Variants in LAMC3 observed in about 807,000 individuals in gnomAD.
LAMC3 encodes the protein laminin subunit gamma 3, also known as laminin subunit gamma-3.
Under a neutral mutation model 173.8 loss-of-function variants are expected in LAMC3, and 128 were observed. The observed-to-expected ratio is 0.74, with a 90% CI of 0.64 to 0.85. The LOEUF (loss-of-function observed/expected upper bound fraction) is 0.85, where lower values mean the gene tolerates loss of function less well. Ranked by LOEUF, LAMC3 falls within the 40% of genes least tolerant of loss-of-function variation. The probability of loss-of-function intolerance (pLI) is 0.00; values close to 1 mark genes in which losing one functional copy is unlikely to be tolerated. For synonymous variants in LAMC3, 897 were observed against 909.1 expected (o/e 0.99, Z 0.24); for missense variants, 2,022 against 2,156.0 (o/e 0.94, Z 1.23).
chr9:131,034,380 G>A (rs1040150921), intron 3 of LAMC3, among the ~76,000 whole-genome samples: 5 of 152,214 alleles, frequency 3.3e-5, no homozygotes, highest in African/African-American at 9.6e-5. Flanking sequence ...TGGGCCTTGC[G>A]TGGAAGCCGT....
chr9:131,026,702 G>A lies in LAMC3; in HGVS notation c.678+113G>A. The A allele has an allele frequency of 7.0e-7, 1 of 1,421,430 alleles. No individual in the cohort carries two copies. The highest frequency in any genetic ancestry group is 9.2e-7 in the Non-Finnish European group (1 of 1,088,468). The allele number at this position is 1,421,430 out of a possible 1,614,324, so 88.1% of individuals were successfully genotyped here. On this transcript the variant is annotated intron_variant, in intron 2 of 27. Transcript: ENST00000361069. The surrounding 1 kb of genome is among the most constrained non-coding windows in gnomAD (Gnocchi z 4.8). The stretch of plus-strand genomic sequence containing the variant: ...GGTGGGGGACCTGCAAAACCCCATG[G>A]TTTTCTTTTTCTTCTTTTATTTTTG...
intron 24 of LAMC3, among the ~76,000 whole-genome samples, chr9:131,083,850 C>T (rs1830282682): frequency 7.0e-6 from 1 of 143,026 alleles, no homozygotes; most frequent in Non-Finnish European, 1.5e-5. Flanking sequence ...TTTACTTTGT[C>T]CACTGTAATA....
chr9:131,032,094 C>A lies in LAMC3; in HGVS notation c.728C>A (p.Thr243Lys). The A allele has an allele frequency of 6.2e-7, 1 of 1,614,122 alleles. No individual in the cohort carries two copies. The highest frequency in any genetic ancestry group is 8.5e-7 in the Non-Finnish European group (1 of 1,180,014). ...ELLISLDRLN[T>K]FGDDIFKDPK... ...CTCATCTCTCTAGACCGGCTCAACA[C>A]GTTTGGGGACGACATCTTCAAGGAC... The change falls in exon 3 of 28, where the codon ACG becomes AAG. Residue 243 changes from threonine (T) to lysine (K), a missense_variant. By Grantham distance (78) the Thr-to-Lys change is moderately conservative. Coordinates refer to ENST00000361069, the MANE Select transcript of LAMC3 (RefSeq NM_006059.4).
intron 3 of LAMC3, among the ~76,000 whole-genome samples, chr9:131,032,661 TCAC>T (rs1182412250): frequency 6.6e-6 from 1 of 151,626 alleles, no homozygotes; most frequent in East Asian, 1.9e-4. Flanking sequence ...TCACTCTCTC[TCAC>T]TCTCTCTCGC....
At chr9:131,028,941 G>A (rs569402766) in intron 2 of LAMC3, among the ~76,000 whole-genome samples, 7 of 152,340 alleles carry the variant, frequency 4.6e-5, no homozygotes, top group Non-Finnish European at 7.3e-5. Context: ...GGGCTTAAAT[G>A]TGTGAGCCAC....
chr9:131,087,342 G>A, intron 25 of LAMC3, 134 bp from the exon 26 acceptor site: 1 of 1,148,206 alleles, frequency 8.7e-7, no homozygotes, highest in Non-Finnish European at 1.3e-6. Context: ...GTACATATTT[G>A]TTGCGTGCAT....
chr9:131,051,135 T>C (rs1311566063), intron 9 of LAMC3, among the ~76,000 whole-genome samples: 1 of 152,140 alleles, frequency 6.6e-6, no homozygotes. Flanking sequence ...CGGGGCGCGC[T>C]ACAGAATTTG....
rs761972927 is a variant in LAMC3, at chr9:131,052,532, C to T, written c.1672C>T (p.Leu558Phe). The part of the protein sequence containing the change: ...GDQRFSYGQP[L>F]ILTFRVPPGD... ...CCAGCGGTTCAGCTATGGGCAGCCC[C>T]TCATACTGACCTTCCGGGTGCCCCC... is the stretch of plus-strand genomic sequence containing the variant. The change falls in exon 10 of 28, where the codon CTC becomes TTC. Residue 558 changes from leucine (L) to phenylalanine (F), a missense_variant. Leu to Phe is a conservative substitution (Grantham distance 22). Coordinates refer to ENST00000361069, the MANE Select transcript of LAMC3 (RefSeq NM_006059.4). The T allele has an allele frequency of 9.3e-6, 15 of 1,614,198 alleles. No homozygotes were observed. The South Asian group carries it at 1.5e-4, about 17-fold the overall frequency.
intron 23 of LAMC3, 80 bp downstream of exon 23, chr9:131,079,378 G>T: frequency 1.3e-6 from 2 of 1,548,384 alleles, no homozygotes; most frequent in Non-Finnish European, 1.8e-6. Flanking sequence ...AGGGTTGCAG[G>T]AGGGAGAAGG....
At chr9:131,066,820 G>T in intron 13 of LAMC3, 140 bp from the exon 14 acceptor site, 1 of 1,128,938 alleles carries the variant, frequency 8.9e-7, no homozygotes. Flanking sequence ...GCAGCCACTG[G>T]GGGCCGGTCC....
Position 131,058,895 on chromosome 9 carries a change from A to G in LAMC3, c.2158+1748A>G, listed in dbSNP as rs1345216228. 1.0e-4 allele frequency among the ~76,000 whole-genome samples: 12 copies of G among 118,028 alleles called. No homozygotes were observed. In the East Asian group the frequency reaches 2.0e-3, roughly 20 times the overall value. The allele number at this position is 118,028 out of a possible 152,430, so 77.4% of individuals were successfully genotyped here. ...GGTGACAAGAGCAAGACTCCAGAGGAAAAAAGAAAAAAAAAAAGAAGAGGC... is the reference window on the plus strand; with the variant it reads ...GGTGACAAGAGCAAGACTCCAGAGGGAAAAAGAAAAAAAAAAAGAAGAGGC... On this transcript the variant is annotated intron_variant, in intron 12 of 27. Transcript: ENST00000361069.
intron 13 of LAMC3, among the ~76,000 whole-genome samples, chr9:131,061,825 A>C (rs985362577): frequency 5.9e-5 from 9 of 151,834 alleles, no homozygotes; most frequent in Non-Finnish European, 1.0e-4. Context: ...CAAGGTGGGC[A>C]CATCACTTCC....
rs1288795312 is a variant in LAMC3, at chr9:131,024,649, C to T, written c.374-1636C>T. ...GCTCTGGGAAGTGAGAGGCTACTGCCAACGGTAGAGATGCAGGAGGGACTC... is the reference window on the plus strand; with the variant it reads ...GCTCTGGGAAGTGAGAGGCTACTGCTAACGGTAGAGATGCAGGAGGGACTC... On this transcript the variant is annotated intron_variant, in intron 1 of 27. Transcript: ENST00000361069. 2.6e-5 allele frequency among the ~76,000 whole-genome samples: 4 copies of T among 152,262 alleles called. No homozygotes were observed. The East Asian group carries it at 7.7e-4, about 29-fold the overall frequency.
At chr9:131,062,898 G>A (rs1286014157) in intron 13 of LAMC3, among the ~76,000 whole-genome samples, 1 of 151,404 alleles carries the variant, frequency 6.6e-6, no homozygotes, top group Non-Finnish European at 1.5e-5. Flanking sequence ...AAAAAGGATT[G>A]TTGAATAGCC....
intron 9 of LAMC3, among the ~76,000 whole-genome samples, chr9:131,050,940 C>T (rs73550464): frequency 0.016 from 2,377 of 152,256 alleles, 63 homozygotes; most frequent in African/African-American, 0.054. Context: ...GCATTGCGCT[C>T]GTGCTGGTGA....
intron 12 of LAMC3, among the ~76,000 whole-genome samples, chr9:131,060,398 C>A (rs1268882067): frequency 1.3e-5 from 2 of 152,190 alleles, no homozygotes; most frequent in African/African-American, 2.4e-5. Flanking sequence ...AATCCCAGAA[C>A]TTTGGAAGGC....
intron 27 of LAMC3, among the ~76,000 whole-genome samples, chr9:131,089,994 G>A (rs574203239): frequency 3.3e-5 from 5 of 151,934 alleles, no homozygotes; most frequent in Non-Finnish European, 5.9e-5. Flanking sequence ...ACAGCGTCTC[G>A]TTATGTTAAC....
At chr9:131,063,233 G>A (rs566366808) in intron 13 of LAMC3, among the ~76,000 whole-genome samples, 2 of 152,296 alleles carry the variant, frequency 1.3e-5, no homozygotes, top group East Asian at 1.9e-4. Context: ...ATTGCACTGC[G>A]GGACCCTGCA....
At chr9:131,064,906 T>G (rs1284269888) in intron 13 of LAMC3, among the ~76,000 whole-genome samples, 2 of 151,704 alleles carry the variant, frequency 1.3e-5, no homozygotes, top group African/African-American at 2.4e-5. Flanking sequence ...CTGGGTGTGG[T>G]GGTGCACGCC....
Sources: gnomAD v4.1 joint callset for allele counts (sites outside exome capture counted in the v4.1 genomes callset) on GRCh38, gnomAD v4.1.1 for gene constraint, Gnocchi (gnomAD v3.1) non-coding constraint, MANE v1.5 for transcripts, NCBI Gene and HGNC (gene_info 2026-07-23, HGNC 2026-07-21) for gene names.